VPS8: variants seen among roughly 807,000 people sequenced by gnomAD.
The protein encoded by VPS8 is vacuolar protein sorting-associated protein 8 homolog.
In VPS8, 129 loss-of-function variants were observed where a neutral mutation model predicts 216.4. The ratio of observed to expected loss-of-function variants is 0.60; its 90% CI spans 0.52 to 0.69. The LOEUF (loss-of-function observed/expected upper bound fraction) is 0.69, where lower values mean the gene tolerates loss of function less well. Among genes scored for constraint, VPS8 ranks in the 30% least tolerant of loss-of-function variants. VPS8 has a pLI of 0.00. For missense variants in VPS8, 1,531 were observed against 1,683.5 expected (o/e 0.91, Z 1.59); for synonymous variants, 571 against 565.4 (o/e 1.01, Z -0.14).
intron 46 of VPS8, among the ~76,000 whole-genome samples, chr3:185,028,277 C>T (rs1757664735): frequency 6.6e-6 from 1 of 152,180 alleles, no homozygotes; most frequent in Non-Finnish European, 1.5e-5. Context: ...AGTGGGCGGC[C>T]ATCCCAGATT....
chr3:184,940,139 A>G, intron 35 of VPS8, 58 bp from the exon 36 acceptor site: 2 of 1,070,196 alleles, frequency 1.9e-6, no homozygotes. Context: ...TTTACCATGG[A>G]ATATTTGAAA....
chr3:184,812,957 A>C (rs1715481718), intron 1 of VPS8, among the ~76,000 whole-genome samples: 1 of 152,178 alleles, frequency 6.6e-6, no homozygotes, highest in Non-Finnish European at 1.5e-5. Context: ...CAAGTTGTGC[A>C]CCAGAGTGAG....
chr3:184,926,706 A>C, intron 31 of VPS8, 56 bp downstream of exon 31: 2 of 1,526,888 alleles, frequency 1.3e-6, no homozygotes, highest in South Asian at 2.4e-5. Flanking sequence ...GTAAGCCAGA[A>C]AGAATTCTTC....
At chr3:184,905,478 C>G (rs1342065299) in intron 25 of VPS8, among the ~76,000 whole-genome samples, 2 of 152,080 alleles carry the variant, frequency 1.3e-5, no homozygotes, top group African/African-American at 4.8e-5. Context: ...TGACTCTTCT[C>G]TCTTTTTTTA....
At chr3:184,869,369 T>A in intron 19 of VPS8, 113 bp from the exon 20 acceptor site, 1 of 1,097,952 alleles carries the variant, frequency 9.1e-7, no homozygotes, top group East Asian at 2.5e-5. Context: ...AGCTAAGAAT[T>A]GTTACAATTA....
chr3:184,886,282 G>A (rs1167885078), intron 22 of VPS8, 126 bp downstream of exon 22: 2 of 946,394 alleles, frequency 2.1e-6, no homozygotes, highest in African/African-American at 1.7e-5. Flanking sequence ...ATAGAAATTT[G>A]ATTCTTTAAC....
At chr3:184,856,521 C>T (rs143380745) in intron 14 of VPS8, among the ~76,000 whole-genome samples, 7 of 152,310 alleles carry the variant, frequency 4.6e-5, no homozygotes, top group African/African-American at 1.7e-4. Context: ...AGCAAGTTCA[C>T]CACTGTCCAC....
In VPS8 at chr3:184,842,186, CAA is replaced by C. The variant is rs71162267; in HGVS notation, c.536-1032_536-1031del. On this transcript the variant is annotated intron_variant, in intron 7 of 47. Transcript: ENST00000625842. ...TGGGTGACAGAGCGAGACTCCGTCT[CAA>C]AAAAAAAAAAAAAAAAAAAAAGAAT... 7.3e-4 allele frequency among the ~76,000 whole-genome samples: 36 copies of C among 48,980 alleles called. No homozygotes were observed. In the East Asian group the frequency reaches 0.019, roughly 26 times the overall value. The allele number at this position is 48,980 out of a possible 152,430, so 32.1% of individuals were successfully genotyped here. A position where few individuals can be genotyped will look rare whatever the true frequency, so the allele number is the denominator to read the frequency against.
intron 45 of VPS8, among the ~76,000 whole-genome samples, chr3:185,016,028 A>T (rs963624847): frequency 2.6e-5 from 4 of 152,224 alleles, no homozygotes; most frequent in African/African-American, 9.6e-5. Flanking sequence ...GATTAGCTGC[A>T]GCTCTGCCTC....
chr3:185,037,282 T>C (rs2108488163), intron 46 of VPS8, among the ~76,000 whole-genome samples: 1 of 152,286 alleles, frequency 6.6e-6, no homozygotes, highest in Non-Finnish European at 1.5e-5. Flanking sequence ...TCAAACATTT[T>C]GAATATGTGG....
At chr3:185,009,375 A>G (rs894210676) in intron 45 of VPS8, among the ~76,000 whole-genome samples, 27 of 152,322 alleles carry the variant, frequency 1.8e-4, no homozygotes, top group African/African-American at 6.5e-4. Context: ...GCAAATATTT[A>G]AAAATACATA....
At chr3:185,002,815 T>C (rs1753595161) in intron 45 of VPS8, among the ~76,000 whole-genome samples, 1 of 152,266 alleles carries the variant, frequency 6.6e-6, no homozygotes, top group South Asian at 2.1e-4. Context: ...TATTCCATGG[T>C]GTATGTATAC....
chr3:184,851,816 T>G (rs1466592434), intron 10 of VPS8, among the ~76,000 whole-genome samples: 1 of 152,202 alleles, frequency 6.6e-6, no homozygotes, highest in Non-Finnish European at 1.5e-5. Flanking sequence ...GGGAGGATAG[T>G]CACTGTAAAT....
At chr3:185,035,673 G>A (rs987180316) in intron 46 of VPS8, among the ~76,000 whole-genome samples, 5 of 152,070 alleles carry the variant, frequency 3.3e-5, no homozygotes, top group Non-Finnish European at 5.9e-5. Flanking sequence ...CCAAAAGCTC[G>A]AACCATTCCC....
chr3:184,834,783 A>G (rs991604173), intron 5 of VPS8, 41 bp downstream of exon 5: 15 of 1,456,318 alleles, frequency 1.0e-5, no homozygotes, highest in African/African-American at 5.7e-5. Context: ...GTAACCTGCA[A>G]TGGCATAATG....
intron 45 of VPS8, among the ~76,000 whole-genome samples, chr3:185,017,104 A>G (rs564335055): frequency 1.3e-5 from 2 of 152,126 alleles, no homozygotes; most frequent in Admixed American, 1.3e-4. Flanking sequence ...TGTGCTCCCC[A>G]TTGTTGTAAT....
intron 46 of VPS8, among the ~76,000 whole-genome samples, chr3:185,036,504 T>C (rs1451228355): frequency 6.6e-6 from 1 of 151,752 alleles, no homozygotes; most frequent in African/African-American, 2.4e-5. Context: ...AAACAAGCAA[T>C]GGGGAAAGGA....
intron 29 of VPS8, 107 bp downstream of exon 29, chr3:184,920,305 C>A: frequency 1.4e-6 from 1 of 728,648 alleles, no homozygotes; most frequent in Non-Finnish European, 2.0e-6. Context: ...TTCTTGGAAT[C>A]ATATCGTAAA....
intron 44 of VPS8, among the ~76,000 whole-genome samples, 198 bp downstream of exon 44, chr3:184,996,699 G>A (rs752121951): frequency 1.4e-4 from 22 of 152,258 alleles, no homozygotes; most frequent in Admixed American, 5.2e-4. Flanking sequence ...AGGAATAAGA[G>A]CTATGGAGAA....
Sources: allele counts gnomAD v4.1 joint callset (sites outside exome capture counted in the v4.1 genomes callset), GRCh38; gene constraint gnomAD v4.1.1; transcripts MANE v1.5; gene names NCBI Gene and HGNC (gene_info 2026-07-23, HGNC 2026-07-21).